KIFC3: variants seen among roughly 807,000 people sequenced by gnomAD.
The protein encoded by KIFC3 is kinesin-like protein KIFC3.
KIFC3 carries 60 observed loss-of-function variants against 101.8 expected under a neutral mutation model. That is an observed-to-expected ratio of 0.59 (90% CI 0.48 to 0.73). The LOEUF is 0.73. Among genes scored for constraint, KIFC3 ranks in the 30% least tolerant of loss-of-function variants. The pLI is 0.00. For missense variants in KIFC3, 966 were observed against 1,137.1 expected, an observed-to-expected ratio of 0.85 and a Z score of 2.16; for synonymous variants, 476 against 482.7, an observed-to-expected ratio of 0.99 and a Z score of 0.18.
chr16:57,854,311 A>C (rs2056120054), intron 1 of KIFC3, among the ~76,000 whole-genome samples: 1 of 152,172 alleles, frequency 6.6e-6, no homozygotes, highest in Non-Finnish European at 1.5e-5. Flanking sequence ...CACTTTATAT[A>C]TAATGATATA....
chr16:57,780,163 G>A (rs898518194), intron 3 of KIFC3, among the ~76,000 whole-genome samples: 3 of 152,314 alleles, frequency 2.0e-5, no homozygotes, highest in Middle Eastern at 3.4e-3. Context: ...TGTATCAGAT[G>A]GTGATGGTTG....
At position 57,760,755 on chromosome 16, in the gene KIFC3, C is replaced by T; in HGVS notation, c.2203G>A (p.Gly735Ser). The T allele has an allele frequency of 6.2e-7, 1 of 1,613,860 alleles. No individual in the cohort carries two copies. Among genetic ancestry groups the T allele is most frequent in the South Asian group, 1.1e-5 (1 of 91,080 alleles). ...LTYLLQDSLSGDSKTLMVVQV... is the reference protein window; with the variant it reads ...LTYLLQDSLSSDSKTLMVVQV... ...ACCACCATGAGGGTCTTGCTGTCACCACTAAGCGAATCCTGCAGCAGGTAG... is the reference window on the plus strand; with the variant it reads ...ACCACCATGAGGGTCTTGCTGTCACTACTAAGCGAATCCTGCAGCAGGTAG... The change falls in exon 16 of 20, where the codon GGT becomes AGT. Residue 735 changes from glycine (G) to serine (S), a missense_variant. This residue lies in a region of KIFC3 where 689 missense variants were observed against 884.6 expected (regional missense o/e 0.78). Coordinates refer to ENST00000445690, the MANE Select transcript of KIFC3 (RefSeq NM_001130100.2).
At chr16:57,797,614 G>T in intron 2 of KIFC3, 1 of 894,842 alleles carries the variant, frequency 1.1e-6, no homozygotes, top group Non-Finnish European at 1.4e-6. Flanking sequence ...TTCCCGAGCA[G>T]CCTCGGTCCA....
rs576862324 is a variant in KIFC3 at position 57,851,521 on chromosome 16, T to C, written c.108+11208A>G. On this transcript the variant is annotated intron_variant, in intron 1 of 2. Coordinates refer to the KIFC3 transcript ENST00000563028. ...CATTTATTCAATAGCATTTCAAGAG[T>C]GTAATTGCCTCTTGTCTCTGGAACT... is the stretch of plus-strand genomic sequence containing the variant. 4.6e-5 allele frequency among the ~76,000 whole-genome samples: 7 copies of C among 152,186 alleles called. No individual in the cohort carries two copies. The South Asian group carries it at 1.5e-3, about 32-fold the overall frequency.
At chr16:57,810,779 T>C (rs2055052457) in intron 1 of KIFC3, 1 of 709,066 alleles carries the variant, frequency 1.4e-6, no homozygotes, top group Non-Finnish European at 1.7e-6. Context: ...CGCAACAACA[T>C]GTGTGGTAGG....
chr16:57,853,171 C>A (rs1445442601), intron 1 of KIFC3, among the ~76,000 whole-genome samples: 18 of 152,152 alleles, frequency 1.2e-4, no homozygotes, highest in African/African-American at 4.1e-4. Flanking sequence ...GTAATCCCAG[C>A]ACTTTGGGAA....
intron 11 of KIFC3, 107 bp from the exon 12 acceptor site, chr16:57,764,354 C>G: frequency 3.0e-6 from 2 of 659,512 alleles, no homozygotes; most frequent in Non-Finnish European, 5.4e-6. Context: ...TCAGCAACAC[C>G]ACATCACGTG....
intron 10 of KIFC3, among the ~76,000 whole-genome samples, chr16:57,766,131 G>T (rs1341586930): frequency 1.3e-5 from 2 of 152,190 alleles, no homozygotes; most frequent in Non-Finnish European, 2.9e-5. Flanking sequence ...AGCCACAGGG[G>T]TATCTGGCAG....
intron 11 of KIFC3, 163 bp from the exon 12 acceptor site, chr16:57,764,410 T>C (rs1358099518): frequency 1.0e-5 from 6 of 602,010 alleles, no homozygotes; most frequent in Non-Finnish European, 1.8e-5. Context: ...TCATGAGTCA[T>C]ACATTAGACA....
rs782613659 is a variant in KIFC3 at position 57,764,262 on chromosome 16, G to A, written c.1513-15C>T. ...TCCTGGAACACCTGGGAGGGTGGTG[G>A]GAGGGAGGCTGGTGGGGGGGCTTCC... On this transcript the variant is annotated splice_polypyrimidine_tract_variant and intron_variant, in intron 11 of 19. Transcript: ENST00000445690. The A allele has an allele frequency of 5.3e-6, 8 of 1,509,418 alleles. No homozygotes were observed. The highest frequency in any genetic ancestry group is 7.3e-6 in the Non-Finnish European group (8 of 1,099,658). The allele number at this position is 1,509,418 out of a possible 1,614,324, so 93.5% of individuals were successfully genotyped here.
At chr16:57,796,504 T>C (rs1324642769) in intron 2 of KIFC3, among the ~76,000 whole-genome samples, 1 of 152,166 alleles carries the variant, frequency 6.6e-6, no homozygotes, top group African/African-American at 2.4e-5. Context: ...TGCCAGCCAA[T>C]TCTCAGGGTG....
At chr16:57,766,828 C>A in intron 10 of KIFC3, 46 bp downstream of exon 10, 1 of 1,400,008 alleles carries the variant, frequency 7.1e-7, no homozygotes, top group South Asian at 1.2e-5. Flanking sequence ...CAAGCCAGGT[C>A]GAGGACCCCG....
chr16:57,846,619 C>G lies in KIFC3; in HGVS notation c.108+16110G>C, dbSNP rs539071571. On this transcript the variant is annotated intron_variant, in intron 1 of 2. Coordinates refer to the KIFC3 transcript ENST00000563028. The stretch of plus-strand genomic sequence containing the variant: ...AGCCCATCCTCCCTCCTTTCTCCCC[C>G]ACTCCATCTGGTTGTTAACGAGAAT... 2.0e-5 allele frequency: 3 copies of G among 152,466 alleles called. 1 individual carries two copies. The highest frequency in any genetic ancestry group is 4.1e-4 in the South Asian group (2 of 4,834). 9.4% of individuals were successfully genotyped at this position (152,466 alleles called of 1,614,324 possible). A position where few individuals can be genotyped will look rare whatever the true frequency, so the allele number is the denominator to read the frequency against.
chr16:57,853,854 A>G (rs1168105044), intron 1 of KIFC3, among the ~76,000 whole-genome samples: 1 of 152,156 alleles, frequency 6.6e-6, no homozygotes, highest in Non-Finnish European at 1.5e-5. Context: ...GCTGGTCTCG[A>G]ACTCCTGACC....
At chr16:57,840,418 G>A (rs772319733) in intron 1 of KIFC3, among the ~76,000 whole-genome samples, 5 of 151,998 alleles carry the variant, frequency 3.3e-5, no homozygotes, top group Admixed American at 6.6e-5. Flanking sequence ...CTTGAGCCCA[G>A]GAGTCAAGAC....
Position 57,761,455 on chromosome 16 carries a change from C to A in KIFC3, c.1830G>T (p.Gly610=), listed in dbSNP as rs2049846712. The A allele has an allele frequency of 1.2e-6, 2 of 1,614,048 alleles. No individual in the cohort carries two copies. The highest frequency in any genetic ancestry group is 1.7e-6 in the Non-Finnish European group (2 of 1,179,940). The change falls in exon 14 of 20, where the codon GGG becomes GGT. Residue 610 remains glycine, a synonymous_variant. Transcript: ENST00000445690. ...PDGSGQLYVP[G]LTEFQVQSVD... Reference sequence around the variant, plus strand: ...CGCTCTGCACTTGGAACTCAGTCAGCCCTGGTACATACAGCTGCCCACTGC... The same window carrying A: ...CGCTCTGCACTTGGAACTCAGTCAGACCTGGTACATACAGCTGCCCACTGC...
At chr16:57,857,367 AAGTCTCCC>A (rs2056192106) in intron 1 of KIFC3, among the ~76,000 whole-genome samples, 1 of 148,766 alleles carries the variant, frequency 6.7e-6, no homozygotes, top group African/African-American at 2.5e-5. Context: ...TGACTTTCGT[AAGTCTCCC>A]AGAACCCCCT....
intron 18 of KIFC3, chr16:57,759,451 A>T (rs1409800788): frequency 3.4e-6 from 2 of 580,512 alleles, no homozygotes; most frequent in East Asian, 5.7e-5. Context: ...CTCAGAGAGC[A>T]GGGTCCCAGG....
chr16:57,770,354 A>G (rs782459687), intron 7 of KIFC3, among the ~76,000 whole-genome samples, 173 bp downstream of exon 7: 12 of 152,232 alleles, frequency 7.9e-5, no homozygotes, highest in Non-Finnish European at 1.5e-4. Context: ...TCGTGTTATA[A>G]TAGATGAGGA....
Sources: allele counts gnomAD v4.1 joint callset (sites outside exome capture counted in the v4.1 genomes callset), GRCh38; gene constraint gnomAD v4.1.1; regional missense constraint gnomAD v4.1.1; transcripts MANE v1.5; gene names NCBI Gene and HGNC (gene_info 2026-07-23, HGNC 2026-07-21).